The following HKDC1 variants were observed in gnomAD, a reference collection of about 807,000 sequenced individuals.
The protein encoded by HKDC1 is hexokinase domain containing 1, also known as hexokinase HKDC1.
A neutral mutation model predicts 96.6 loss-of-function variants in HKDC1; 66 were observed. The ratio of observed to expected loss-of-function variants is 0.68; its 90% CI spans 0.56 to 0.84. The LOEUF is 0.84. Among genes scored for constraint, HKDC1 ranks in the 40% least tolerant of loss-of-function variants. HKDC1 has a pLI of 0.00. For missense variants in HKDC1, 1,211 were observed against 1,208.1 expected (o/e 1.00, Z -0.04); for synonymous variants, 466 against 473.1 (o/e 0.98, Z 0.20).
chr10:69,238,371 T>TGAGAGAGGTAGGGAGGTGACATTTCCAC lies in HKDC1; in HGVS notation c.496-671_496-670insGAGAGAGGTAGGGAGGTGACATTTCCAC, dbSNP rs1273655415. On this transcript the variant is annotated intron_variant, in intron 4 of 17. Coordinates refer to ENST00000354624, the MANE Select transcript of HKDC1 (RefSeq NM_025130.4). ...TGTATAATACACCAGGTATTTTCTTTTTTTTTTTTTTTTTTTGAGACGGAG... is the reference window on the plus strand; with the variant it reads ...TGTATAATACACCAGGTATTTTCTTTGAGAGAGGTAGGGAGGTGACATTTCCACTTTTTTTTTTTTTTTTGAGACGGAG... Among the ~76,000 whole-genome samples, 16 of 10,158 alleles carry TGAGAGAGGTAGGGAGGTGACATTTCCAC rather than the reference T, an allele frequency of 1.6e-3. 3 individuals carry two copies. Among genetic ancestry groups the TGAGAGAGGTAGGGAGGTGACATTTCCAC allele is most frequent in the East Asian group, 0.011 (4 of 360 alleles). 6.7% of individuals were successfully genotyped at this position (10,158 alleles called of 152,430 possible). A position where few individuals can be genotyped will look rare whatever the true frequency, so the allele number is the denominator to read the frequency against.
intron 15 of HKDC1, among the ~76,000 whole-genome samples, chr10:69,260,009 C>T (rs1220500880): frequency 6.6e-6 from 1 of 152,194 alleles, no homozygotes; most frequent in Non-Finnish European, 1.5e-5. Flanking sequence ...CACACTTATT[C>T]TGTAAAAGAA....
chr10:69,235,068 A>C (rs1236144490), intron 4 of HKDC1, among the ~76,000 whole-genome samples: 1 of 151,574 alleles, frequency 6.6e-6, no homozygotes, highest in African/African-American at 2.4e-5. Flanking sequence ...TCCAGGCTGC[A>C]GTGGGCTGTG....
rs1377219358 is a variant in HKDC1 at position 69,255,931 on chromosome 10, CA to C, written c.1837-1097del. On this transcript the variant is annotated intron_variant, in intron 12 of 17. Coordinates refer to ENST00000354624, the MANE Select transcript of HKDC1 (RefSeq NM_025130.4). ...GAATCTGTGTCAAAAAAAAAAAAAA[CA>C]AAAAAAACCTACTTTCTCAGTATTA... Among the ~76,000 whole-genome samples, 339 of 132,776 alleles carry C rather than the reference CA, an allele frequency of 2.6e-3. 1 individual carries two copies. The highest frequency in any genetic ancestry group is 8.9e-3 in the African/African-American group (321 of 36,080). The allele number at this position is 132,776 out of a possible 152,430, so 87.1% of individuals were successfully genotyped here. A position where few individuals can be genotyped will look rare whatever the true frequency, so the allele number is the denominator to read the frequency against.
At position 69,232,837 on chromosome 10, in the gene HKDC1, G is replaced by T. The variant is rs1843289264; in HGVS notation, c.300G>T (p.Glu100Asp). The T allele has an allele frequency of 5.6e-6, 9 of 1,614,146 alleles. No individual in the cohort carries two copies. Among genetic ancestry groups the T allele is most frequent in the Non-Finnish European group, 7.6e-6 (9 of 1,180,018 alleles). Residue 100 changes from glutamate to aspartate, a missense_variant, in exon 3 of 18, where the codon GAG becomes GAT. Glu to Asp is a conservative substitution (Grantham distance 45). Transcript: ENST00000354624. ...TGCTGAAGGTGCAAGTCGCTGAAGA[G>T]GGGAAGCGACACGTGCAGATGGAGA... ...FRVLKVQVAE[E>D]GKRHVQMESQ...
Position 69,266,459 on chromosome 10 carries a change from T to G in HKDC1, c.2607-151T>G, listed in dbSNP as rs542088787. The stretch of plus-strand genomic sequence containing the variant: ...CACCCTGGGCAACAGAGTGAGACCA[T>G]GTCTAAAAAAAAAAAAAAATTAGAA... On this transcript the variant is annotated intron_variant, in intron 17 of 17. Coordinates refer to ENST00000354624, the MANE Select transcript of HKDC1 (RefSeq NM_025130.4). The G allele has an allele frequency of 1.2e-5, 6 of 521,230 alleles. No individual in the cohort carries two copies. In the Admixed American group the frequency reaches 2.4e-4, roughly 21 times the overall value. The allele number at this position is 521,230 out of a possible 1,614,324, so 32.3% of individuals were successfully genotyped here.
rs1371596488 is a variant in HKDC1 at position 69,265,764 on chromosome 10, A to G, written c.2552A>G (p.Glu851Gly). The G allele has an allele frequency of 6.2e-7, 1 of 1,613,514 alleles. No homozygotes were observed. The highest frequency in any genetic ancestry group is 8.5e-7 in the Non-Finnish European group (1 of 1,179,870). ...AAAAGGAGAGAAGACCAGGGGCTAG[A>G]GCACCTGAGGATCACTGTGGGTGTG... is the stretch of plus-strand genomic sequence containing the variant. ...VEKRREDQGL[E>G]HLRITVGVDG... is the part of the protein sequence containing the mutation. The change falls in exon 17 of 18, where the codon GAG becomes GGG. Residue 851 changes from glutamate to glycine, a missense_variant. Glu to Gly is a moderately conservative substitution (Grantham distance 98, BLOSUM62 -2). Coordinates refer to ENST00000354624, the MANE Select transcript of HKDC1 (RefSeq NM_025130.4).
At chr10:69,254,322 T>A (rs75418370) in intron 12 of HKDC1, among the ~76,000 whole-genome samples, 145 of 151,816 alleles carry the variant, frequency 9.6e-4, no homozygotes, top group African/African-American at 3.2e-3. Flanking sequence ...AAAAAAAAAA[T>A]TTTTTTAACC....
intron 15 of HKDC1, among the ~76,000 whole-genome samples, chr10:69,260,467 GT>G (rs1843786689): frequency 6.6e-6 from 1 of 152,184 alleles, no homozygotes; most frequent in African/African-American, 2.4e-5. Flanking sequence ...TTGGATTGAG[GT>G]TTTAAGGGGG....
rs1843580691 is a variant in HKDC1, at chr10:69,248,521, A to G, written c.1363A>G (p.Met455Val). ...SESGSTKGAA[M>V]VTAVASRVQA... ...GAGTGGCAGCACCAAGGGGGCCGCC[A>G]TGGTGACCGCGGTGGCCTCCCGCGT... Residue 455 changes from methionine (M) to valine (V), a missense_variant, in exon 10 of 18, where the codon ATG (methionine) becomes GTG (valine). Transcript: ENST00000354624. 1.2e-6 allele frequency: 2 copies of G among 1,613,576 alleles called. No individual in the cohort carries two copies. Among genetic ancestry groups the G allele is most frequent in the African/African-American group, 2.7e-5 (2 of 75,064 alleles).
intron 7 of HKDC1, among the ~76,000 whole-genome samples, chr10:69,245,525 G>A (rs1346045629): frequency 2.6e-5 from 4 of 151,276 alleles, no homozygotes; most frequent in Non-Finnish European, 5.9e-5. Flanking sequence ...AGCTATGATT[G>A]CACCACTGCA....
chr10:69,250,159 C>G, intron 10 of HKDC1, 131 bp from the exon 11 acceptor site: 12 of 1,036,064 alleles, frequency 1.2e-5, no homozygotes, highest in Non-Finnish European at 1.7e-5. Flanking sequence ...GGGTGGCCCC[C>G]ACGACCCTCT....
In HKDC1 at chr10:69,238,963, G is replaced by T. The variant is rs148710344; in HGVS notation, c.496-79G>T. On this transcript the variant is annotated intron_variant, in intron 4 of 17. Transcript: ENST00000354624. ...GAAGAGAAGGCCATGGGGGATGCAC[G>T]TAGGCATGAAGTTTCTGCGGCTCAG... The T allele has an allele frequency of 9.6e-5, 92 of 956,722 alleles. No homozygotes were observed. In the African/African-American group the frequency reaches 1.3e-3, roughly 14 times the overall value. The allele number at this position is 956,722 out of a possible 1,614,324, so 59.3% of individuals were successfully genotyped here.
chr10:69,229,806 C>T (rs898799619), intron 2 of HKDC1, among the ~76,000 whole-genome samples: 2 of 152,142 alleles, frequency 1.3e-5, no homozygotes, highest in African/African-American at 4.8e-5. Context: ...TCTGTTGTGC[C>T]GAGGTCCCTG....
intron 12 of HKDC1, among the ~76,000 whole-genome samples, chr10:69,252,462 G>C (rs1018597143): frequency 6.6e-5 from 10 of 151,824 alleles, no homozygotes; most frequent in African/African-American, 2.4e-4. Context: ...TGGCTAACAT[G>C]GTGAAACCCC....
intron 4 of HKDC1, among the ~76,000 whole-genome samples, chr10:69,238,162 T>G (rs1843391499): frequency 6.6e-6 from 1 of 152,266 alleles, no homozygotes; most frequent in Admixed American, 6.5e-5. Flanking sequence ...CAGGCAGGCC[T>G]GGAACTCCTG....
intron 1 of HKDC1, among the ~76,000 whole-genome samples, 175 bp from the exon 2 acceptor site, chr10:69,227,032 C>T (rs573146080): frequency 2.6e-5 from 4 of 152,304 alleles, no homozygotes; most frequent in East Asian, 1.9e-4. Context: ...TTTCCTAACT[C>T]GCTTCCCTGT....
Position 69,239,127 on chromosome 10 carries a change from G to A in HKDC1, c.581G>A (p.Arg194Lys). 6.2e-7 allele frequency: 1 copy of A among 1,613,540 alleles called. No homozygotes were observed. The highest frequency in any genetic ancestry group is 8.5e-7 in the Non-Finnish European group (1 of 1,179,510). ...DVVSRLTKAM[R>K]RHKDMDVDIL... The stretch of plus-strand genomic sequence containing the variant: ...GTGAGCCGTCTGACCAAAGCCATGA[G>A]AAGACACAAGGTGAGGAATTCACCT... The change falls in exon 5 of 18, where the codon AGA (arginine) becomes AAA (lysine). Residue 194 changes from arginine to lysine, a missense_variant. Physicochemically the swap from Arg to Lys is conservative, Grantham distance 26. Transcript: ENST00000354624.
chr10:69,237,366 A>G (rs7923780), intron 4 of HKDC1, among the ~76,000 whole-genome samples: 1 of 151,658 alleles, frequency 6.6e-6, no homozygotes, highest in Non-Finnish European at 1.5e-5. Flanking sequence ...GGTTTAAAAA[A>G]AGAGAGAGAG....
intron 5 of HKDC1, 96 bp from the exon 6 acceptor site, chr10:69,240,556 A>G (rs1280681824): frequency 8.2e-6 from 8 of 977,794 alleles, no homozygotes; most frequent in Non-Finnish European, 1.3e-5. Flanking sequence ...GGGATGTCTC[A>G]GCAGCCACCT....
Sources: gnomAD v4.1 joint callset for allele counts (sites outside exome capture counted in the v4.1 genomes callset) on GRCh38, gnomAD v4.1.1 for gene constraint, MANE v1.5 for transcripts, NCBI Gene and HGNC (gene_info 2026-07-23, HGNC 2026-07-21) for gene names.